The following LDAH variants were observed in gnomAD, a reference collection of about 807,000 sequenced individuals.
LDAH encodes lipid droplet associated hydrolase.
LDAH carries 26 observed loss-of-function variants against 29.6 expected under a neutral mutation model. The ratio of observed to expected loss-of-function variants is 0.88; its 90% CI spans 0.64 to 1.22. The LOEUF (loss-of-function observed/expected upper bound fraction) is 1.22. LDAH is among the 50% of genes most tolerant of loss of function. The pLI is 0.00. For missense variants in LDAH, 344 were observed against 387.3 expected (o/e 0.89, Z 0.94); for synonymous variants, 117 against 133.0 (o/e 0.88, Z 0.83).
At chr2:20,798,940 G>A (rs1671486955) in intron 2 of LDAH, among the ~76,000 whole-genome samples, 1 of 151,924 alleles carries the variant, frequency 6.6e-6, no homozygotes. Context: ...TTAGAAACGA[G>A]TAAAGGCCAG....
Position 20,686,835 on chromosome 2 carries a change from T to A in LDAH, c.*68A>T. 7.4e-7 allele frequency: 1 copy of A among 1,350,324 alleles called. No individual in the cohort carries two copies. 83.6% of individuals were successfully genotyped at this position (1,350,324 alleles called of 1,614,324 possible). ...ATATCAGTCTTCAAAATTAAACATT[T>A]ACCTACTAAGTCTAGTACACTGACT... On this transcript the variant is annotated 3_prime_UTR_variant, in exon 7 of 7. Transcript: ENST00000237822.
At chr2:20,688,828 CTTTTTTTTTTTTTT>C in intron 6 of LDAH, among the ~76,000 whole-genome samples, 1 of 112,008 alleles carries the variant, frequency 8.9e-6, no homozygotes, top group African/African-American at 3.4e-5. Context: ...TGGAGGTTTC[CTTTTTTTTTTTTTT>C]TTTTTTTTTT....
At chr2:20,804,414 A>C (rs1261558152) in intron 1 of LDAH, among the ~76,000 whole-genome samples, 1 of 152,254 alleles carries the variant, frequency 6.6e-6, no homozygotes, top group African/African-American at 2.4e-5. Context: ...AATGCTAATT[A>C]TAACAGTGAA....
chr2:20,718,489 TA>T (rs1665408452), intron 5 of LDAH, among the ~76,000 whole-genome samples: 1 of 152,110 alleles, frequency 6.6e-6, no homozygotes, highest in East Asian at 1.9e-4. Context: ...TATATGTACC[TA>T]ACACCAGAAC....
At chr2:20,739,295 T>C (rs1277815032) in intron 5 of LDAH, among the ~76,000 whole-genome samples, 3 of 152,356 alleles carry the variant, frequency 2.0e-5, no homozygotes, top group Middle Eastern at 3.4e-3. Flanking sequence ...GAATAACCTT[T>C]TGAAGTACGG....
At chr2:20,750,449 A>G (rs1023365214) in intron 4 of LDAH, among the ~76,000 whole-genome samples, 3 of 152,190 alleles carry the variant, frequency 2.0e-5, no homozygotes, top group African/African-American at 4.8e-5. Context: ...TTGTCCATCA[A>G]AAGTGCCTCC....
chr2:20,778,377 T>C (rs1450757336), intron 3 of LDAH, among the ~76,000 whole-genome samples: 1 of 152,226 alleles, frequency 6.6e-6, no homozygotes, highest in Non-Finnish European at 1.5e-5. Flanking sequence ...ATAATATCAG[T>C]ACTTCGCATT....
At chr2:20,770,668 C>T (rs1027860990) in intron 4 of LDAH, among the ~76,000 whole-genome samples, 5 of 152,158 alleles carry the variant, frequency 3.3e-5, no homozygotes, top group African/African-American at 1.2e-4. Context: ...GGGTTTCCTA[C>T]TCTTGGAGCA....
At chr2:20,799,163 G>A (rs914359182) in intron 2 of LDAH, among the ~76,000 whole-genome samples, 2 of 151,912 alleles carry the variant, frequency 1.3e-5, no homozygotes, top group Admixed American at 1.3e-4. Flanking sequence ...GGAGGTGGAG[G>A]GTTGCAGTGA....
intron 5 of LDAH, among the ~76,000 whole-genome samples, chr2:20,718,410 GA>G (rs747714592): frequency 6.6e-6 from 1 of 151,848 alleles, no homozygotes; most frequent in Non-Finnish European, 1.5e-5. Context: ...ACTATAAAAA[GA>G]GACAAAAAAG....
At chr2:20,815,487 A>C (rs1239365375) in intron 1 of LDAH, among the ~76,000 whole-genome samples, 2 of 152,170 alleles carry the variant, frequency 1.3e-5, no homozygotes, top group East Asian at 3.8e-4. Flanking sequence ...TCATAAGTCA[A>C]GTTTAGAAAA....
Position 20,808,161 on chromosome 2 carries a change from G to A in LDAH, c.-2-6696C>T, listed in dbSNP as rs183120427. 9.2e-5 allele frequency among the ~76,000 whole-genome samples: 14 copies of A among 152,272 alleles called. No individual in the cohort carries two copies. In the East Asian group the frequency reaches 1.9e-3, roughly 21 times the overall value. ...GCAAGACCTCTACACAGAAAGCTACGTGGTTTGCTGGATATTACTGAGAGA... is the reference window on the plus strand; with the variant it reads ...GCAAGACCTCTACACAGAAAGCTACATGGTTTGCTGGATATTACTGAGAGA... On this transcript the variant is annotated intron_variant, in intron 1 of 6. Transcript: ENST00000237822.
intron 3 of LDAH, among the ~76,000 whole-genome samples, chr2:20,782,246 A>G (rs1392682618): frequency 6.6e-6 from 1 of 152,184 alleles, no homozygotes; most frequent in Admixed American, 6.5e-5. Context: ...TAAACCCTCC[A>G]GGTGATTTTG....
At chr2:20,767,827 CAG>C (rs1333443453) in intron 4 of LDAH, among the ~76,000 whole-genome samples, 3 of 152,164 alleles carry the variant, frequency 2.0e-5, no homozygotes, top group African/African-American at 7.2e-5. Flanking sequence ...GAGCAGAGGA[CAG>C]AGAGACAATG....
rs1436481995 is a variant in LDAH at position 20,822,556 on chromosome 2, T to C, written c.-3+481A>G. On this transcript the variant is annotated intron_variant, in intron 1 of 6. Coordinates refer to ENST00000237822, the MANE Select transcript of LDAH (RefSeq NM_021925.4). ...ATAAAGTGTTCCAATCTGCATTCTG[T>C]CTTGCGTGGGGAACAAAACCAAACT... Among the ~76,000 whole-genome samples, 3 of 152,306 alleles carry C rather than the reference T, an allele frequency of 2.0e-5. No homozygotes were observed. In the East Asian group the frequency reaches 5.8e-4, roughly 29 times the overall value.
At chr2:20,814,125 T>C (rs1176125371) in intron 1 of LDAH, among the ~76,000 whole-genome samples, 1 of 151,936 alleles carries the variant, frequency 6.6e-6, no homozygotes, top group African/African-American at 2.4e-5. Flanking sequence ...AACCATCTTT[T>C]CCCCCACTAA....
chr2:20,783,523 A>G (rs529474185), intron 3 of LDAH, among the ~76,000 whole-genome samples: 3 of 152,130 alleles, frequency 2.0e-5, no homozygotes, highest in Non-Finnish European at 4.4e-5. Flanking sequence ...AACTGGTTCT[A>G]TTATCATTAT....
chr2:20,792,756 C>T (rs190377959), intron 2 of LDAH, among the ~76,000 whole-genome samples: 64 of 151,984 alleles, frequency 4.2e-4, no homozygotes, highest in African/African-American at 1.2e-3. Flanking sequence ...TACAATGACA[C>T]GATATATGAA....
At chr2:20,809,512 A>G (rs534053411) in intron 1 of LDAH, among the ~76,000 whole-genome samples, 1 of 152,340 alleles carries the variant, frequency 6.6e-6, no homozygotes, top group Admixed American at 6.5e-5. Flanking sequence ...GGAGAACACT[A>G]TACATATACA....
Sources: allele counts gnomAD v4.1 joint callset (sites outside exome capture counted in the v4.1 genomes callset), GRCh38; gene constraint gnomAD v4.1.1; transcripts MANE v1.5; gene names NCBI Gene and HGNC (gene_info 2026-07-23, HGNC 2026-07-21).